Variants in CFB observed in about 807,000 individuals in gnomAD.
CFB encodes complement factor B, also known as B-factor, properdin.
A neutral mutation model predicts 97.2 loss-of-function variants in CFB; 59 were observed. The observed-to-expected ratio is 0.61, with a 90% CI of 0.49 to 0.75. The LOEUF is 0.75. CFB is among the 30% of genes least tolerant of loss of function. The pLI, the probability that CFB is intolerant of heterozygous loss-of-function variation, is 0.00. For synonymous variants in CFB, 316 were observed against 351.7 expected, an observed-to-expected ratio of 0.90 and a Z score of 1.14; for missense variants, 771 against 959.8, an observed-to-expected ratio of 0.80 and a Z score of 2.60.
Position 31,947,675 on chromosome 6 carries a change from C to T in CFB, c.659-67C>T. On this transcript the variant is annotated intron_variant, in intron 4 of 17. Transcript: ENST00000425368. The surrounding 1 kb of genome is among the most constrained non-coding windows in gnomAD (Gnocchi z 5.3). ...TTTTATACCCTGGAAACCCATGATC[C>T]CCCGTCTCTTTGGTCACTGTATCCC... 2 of 1,584,138 alleles carry T rather than the reference C, an allele frequency of 1.3e-6. No homozygotes were observed. Among genetic ancestry groups the T allele is most frequent in the East Asian group, 2.2e-5 (1 of 44,742 alleles).
chr6:31,948,467 A>G lies in CFB; in HGVS notation c.991A>G (p.Asn331Asp), dbSNP rs776825572. The G allele has an allele frequency of 1.7e-5, 27 of 1,614,114 alleles. No individual in the cohort carries two copies. The East Asian group carries it at 6.0e-4, about 36-fold the overall frequency. The change falls in exon 7 of 18, where the codon AAT becomes GAT. Residue 331 changes from asparagine (N) to aspartate (D), a missense_variant. Transcript: ENST00000425368. The part of the protein sequence containing the change: ...WVKVSEADSS[N>D]ADWVTKQLNE... ...CAAAGTGTCTGAAGCAGACAGCAGT[A>G]ATGCAGACTGGGTCACGAAGCAGCT...
At chr6:31,949,173 A>C in intron 8 of CFB, 70 bp from the exon 9 acceptor site, 1 of 1,530,110 alleles carries the variant, frequency 6.5e-7, no homozygotes, top group East Asian at 2.3e-5. Flanking sequence ...TCACCCTGCC[A>C]TGTGTATCCC....
At chr6:31,950,231 A>G (rs1297287838) in intron 11 of CFB, 55 bp from the exon 12 acceptor site, 6 of 1,604,260 alleles carry the variant, frequency 3.7e-6, no homozygotes, top group East Asian at 2.2e-5. Flanking sequence ...AAATGGCCAT[A>G]AGAGATGGTG....
At position 31,950,376 on chromosome 6, in the gene CFB, A is replaced by T. The variant is rs140877943; in HGVS notation, c.1597A>T (p.Lys533Ter). Residue 533 changes from lysine to a stop codon, truncating the protein, a stop_gained, in exon 12 of 18, where the codon AAG becomes TAG. Coordinates refer to ENST00000425368, the MANE Select transcript of CFB (RefSeq NM_001710.6). LOFTEE classifies it high-confidence loss of function. ...AGCACATTGTTTCACTGTGGATGAC[A>T]AGGAACACTCAATCAAGGTCAGCGT... ...TAAHCFTVDD[K>*]EHSIKVSVGG... 6.2e-7 allele frequency: 1 copy of T among 1,612,960 alleles called. No individual in the cohort carries two copies. The highest frequency in any genetic ancestry group is 1.3e-5 in the African/African-American group (1 of 74,928).
At chr6:31,948,106 C>T (rs772526505) in intron 6 of CFB, 25 bp downstream of exon 6, 23 of 1,607,526 alleles carry the variant, frequency 1.4e-5, no homozygotes, top group African/African-American at 4.0e-5. Context: ...TCCCTGAACT[C>T]GGGGGAATGG....
Position 31,946,361 on chromosome 6 carries a change from C to T in CFB, c.65-12C>T, listed in dbSNP as rs762006000. 1 of 1,613,094 alleles carries T rather than the reference C, an allele frequency of 6.2e-7. No homozygotes were observed. Among genetic ancestry groups the T allele is most frequent in the South Asian group, 1.1e-5 (1 of 91,088 alleles). Reference sequence around the variant, plus strand: ...CCTTTTGGGGCCAGGCTTCATCAGCCTTTCTCTTCAGGTGTGACCACCACT... The same window carrying T: ...CCTTTTGGGGCCAGGCTTCATCAGCTTTTCTCTTCAGGTGTGACCACCACT... On this transcript the variant is annotated splice_polypyrimidine_tract_variant and intron_variant, in intron 1 of 17. Coordinates refer to ENST00000425368, the MANE Select transcript of CFB (RefSeq NM_001710.6). The surrounding 1 kb of genome is among the most constrained non-coding windows in gnomAD (Gnocchi z 6.4).
Position 31,951,501 on chromosome 6 carries a change from C to G in CFB, c.2089+28C>G, listed in dbSNP as rs370019559. 4.1e-5 allele frequency: 66 copies of G among 1,614,112 alleles called. No individual in the cohort carries two copies. Among genetic ancestry groups the G allele is most frequent in the Non-Finnish European group, 5.4e-5 (64 of 1,180,048 alleles). On this transcript the variant is annotated intron_variant, in intron 16 of 17. Coordinates refer to ENST00000425368, the MANE Select transcript of CFB (RefSeq NM_001710.6). This position sits in a 1 kb window ranked among gnomAD's most constrained non-coding sequence, Gnocchi z 4.3. ...GAGAGAATGCTCTTTGGTTGTGCTA[C>G]AAGTGCCCAAGGCCCAACAGTCCTT...
Position 31,952,024 on chromosome 6 carries a change from T to C in CFB, c.2289T>C (p.Phe763=). ...KEKLQDEDLG[F]L The stretch of plus-strand genomic sequence containing the variant: ...AACTCCAAGATGAGGATTTGGGTTT[T>C]CTATAAGGGGTTTCCTGCTGGACAG... Residue 763 remains phenylalanine, a synonymous_variant, in exon 18 of 18, where the codon TTT becomes TTC. Transcript: ENST00000425368. 4 of 1,612,880 alleles carry C rather than the reference T, an allele frequency of 2.5e-6. No homozygotes were observed. Among genetic ancestry groups the C allele is most frequent in the Non-Finnish European group, 3.4e-6 (4 of 1,180,036 alleles).
At chr6:31,950,209 A>G in intron 11 of CFB, 62 bp downstream of exon 11, 2 of 1,604,406 alleles carry the variant, frequency 1.2e-6, no homozygotes, top group Non-Finnish European at 1.7e-6. Flanking sequence ...AAATGGGAGT[A>G]GGGGAAGGAA....
chr6:31,947,943 A>AG lies in CFB; in HGVS notation c.763dup. 1 of 1,614,222 alleles carries AG rather than the reference A, an allele frequency of 6.2e-7. No individual in the cohort carries two copies. The highest frequency in any genetic ancestry group is 8.5e-7 in the Non-Finnish European group (1 of 1,180,034). ...AGCCTGAGCCACTCTCCTGGCACCCAGGGGAACAACAGAAGCGGAAGATCG... is the reference window on the plus strand; with the variant it reads ...AGCCTGAGCCACTCTCCTGGCACCCAGGGGGAACAACAGAAGCGGAAGATCG... On this transcript the variant is annotated splice_acceptor_variant, in intron 5 of 17. Coordinates refer to ENST00000425368, the MANE Select transcript of CFB (RefSeq NM_001710.6). LOFTEE classifies it high-confidence loss of function. The surrounding 1 kb of genome is among the most constrained non-coding windows in gnomAD (Gnocchi z 5.3).
rs1208767344 is a variant in CFB at position 31,946,183 on chromosome 6, C to T, written c.-39C>T. On this transcript the variant is annotated 5_prime_UTR_variant, in exon 1 of 18. Transcript: ENST00000425368. The surrounding 1 kb of genome is among the most constrained non-coding windows in gnomAD (Gnocchi z 6.4). ...AGCAAAGCAAGCCAGGACACACCAT[C>T]CTGCCCCAGGCCCAGCTTCTCTCCT... The T allele has an allele frequency of 1.2e-6, 2 of 1,609,540 alleles. No individual in the cohort carries two copies. The highest frequency in any genetic ancestry group is 1.7e-6 in the Non-Finnish European group (2 of 1,176,916).
intron 7 of CFB, 120 bp from the exon 8 acceptor site, chr6:31,948,710 G>A (rs777049430): frequency 2.6e-6 from 4 of 1,560,272 alleles, no homozygotes; most frequent in East Asian, 2.3e-5. Context: ...AGGGAAGTCC[G>A]TGTAATGATG....
intron 10 of CFB, 124 bp from the exon 11 acceptor site, chr6:31,949,926 A>C: frequency 1.1e-6 from 1 of 918,222 alleles, no homozygotes; most frequent in Non-Finnish European, 1.8e-6. Context: ...CGAGGAAACA[A>C]ATACCCGTGG....
chr6:31,950,503 C>T, intron 12 of CFB, 100 bp downstream of exon 12: 1 of 1,569,958 alleles, frequency 6.4e-7, no homozygotes, highest in Non-Finnish European at 8.7e-7. Context: ...CAATGCAGCC[C>T]CATTCCTTGC....
intron 10 of CFB, 188 bp downstream of exon 10, chr6:31,949,745 A>C: frequency 1.3e-6 from 1 of 775,894 alleles, no homozygotes; most frequent in Non-Finnish European, 2.1e-6. Flanking sequence ...AGCTCTGAGC[A>C]CTTCAGAGAT....
chr6:31,948,459 A>G lies in CFB; in HGVS notation c.983A>G (p.Asp328Gly). The G allele has an allele frequency of 6.2e-7, 1 of 1,614,268 alleles. No individual in the cohort carries two copies. Among genetic ancestry groups the G allele is most frequent in the Non-Finnish European group, 8.5e-7 (1 of 1,180,052 alleles). ...ATTTGGGTCAAAGTGTCTGAAGCAG[A>G]CAGCAGTAATGCAGACTGGGTCACG... The part of the protein sequence containing the change: ...PKIWVKVSEA[D>G]SSNADWVTKQ... The change falls in exon 7 of 18, where the codon GAC becomes GGC. Residue 328 changes from aspartate (D) to glycine (G), a missense_variant. By Grantham distance (94) the Asp-to-Gly change is moderately conservative. Coordinates refer to ENST00000425368, the MANE Select transcript of CFB (RefSeq NM_001710.6).
At chr6:31,950,173 G>A in intron 11 of CFB, 26 bp downstream of exon 11, 1 of 1,611,828 alleles carries the variant, frequency 6.2e-7, no homozygotes, top group Non-Finnish European at 8.5e-7. Context: ...CAGTAGTGGG[G>A]ACTTGGGGGA....
In CFB at chr6:31,951,442, G is replaced by C; in HGVS notation, c.2058G>C (p.Val686=). The C allele has an allele frequency of 6.2e-7, 1 of 1,614,190 alleles. No homozygotes were observed. ...VTPRFLCTGG[V]SPYADPNTCR... ...CTCGGTTCCTTTGTACTGGAGGAGTGAGTCCCTATGCTGACCCCAATACTT... is the reference window on the plus strand; with the variant it reads ...CTCGGTTCCTTTGTACTGGAGGAGTCAGTCCCTATGCTGACCCCAATACTT... The change falls in exon 16 of 18, where the codon GTG becomes GTC. Residue 686 remains valine, a synonymous_variant. Coordinates refer to ENST00000425368, the MANE Select transcript of CFB (RefSeq NM_001710.6). This position sits in a 1 kb window ranked among gnomAD's most constrained non-coding sequence, Gnocchi z 4.3.
In CFB at chr6:31,951,270, C is replaced by T. The variant is rs894145995; in HGVS notation, c.1956+26C>T. ...GTGAGAAACGGGCATCCTAAGGAGG[C>T]ACTCTAGGCCCCAATCCTTCCTAAG... On this transcript the variant is annotated intron_variant, in intron 15 of 17. Coordinates refer to ENST00000425368, the MANE Select transcript of CFB (RefSeq NM_001710.6). This position sits in a 1 kb window ranked among gnomAD's most constrained non-coding sequence, Gnocchi z 4.3. The T allele has an allele frequency of 1.2e-6, 2 of 1,613,206 alleles. No individual in the cohort carries two copies. The highest frequency in any genetic ancestry group is 1.7e-6 in the Non-Finnish European group (2 of 1,179,806).
Sources: gnomAD v4.1 joint callset for allele counts on GRCh38, gnomAD v4.1.1 for gene constraint, Gnocchi (gnomAD v3.1) non-coding constraint, MANE v1.5 for transcripts, NCBI Gene and HGNC (gene_info 2026-07-23, HGNC 2026-07-21) for gene names.